The following CNTN3 variants were observed in gnomAD, a reference collection of about 807,000 sequenced individuals.
CNTN3 encodes contactin 3, also known as contactin-3.
CNTN3 carries 60 observed loss-of-function variants against 119.1 expected under a neutral mutation model. The observed-to-expected ratio is 0.50, with a 90% CI of 0.41 to 0.62. CNTN3 has a LOEUF of 0.62. Ranked by LOEUF, CNTN3 falls within the 20% of genes least tolerant of loss-of-function variation. The probability of loss-of-function intolerance (pLI) is 0.00; values close to 1 mark genes in which losing one functional copy is unlikely to be tolerated. For synonymous variants in CNTN3, 450 were observed against 438.7 expected (o/e 1.03, Z -0.32); for missense variants, 1,101 against 1,242.4 (o/e 0.89, Z 1.71).
At chr3:74,423,016 G>A (rs997130607) in intron 5 of CNTN3, among the ~76,000 whole-genome samples, 1 of 152,094 alleles carries the variant, frequency 6.6e-6, no homozygotes, top group South Asian at 2.1e-4. Flanking sequence ...TTAGCATTAA[G>A]GATCACAGAA....
chr3:74,408,861 G>C (rs2106866028), intron 5 of CNTN3, among the ~76,000 whole-genome samples: 1 of 152,192 alleles, frequency 6.6e-6, no homozygotes, highest in South Asian at 2.1e-4. Context: ...AGAGCAACTG[G>C]AGGTTGTTTC....
intron 1 of CNTN3, among the ~76,000 whole-genome samples, chr3:74,593,051 G>T (rs1303553408): frequency 6.6e-6 from 1 of 151,840 alleles, no homozygotes; most frequent in Non-Finnish European, 1.5e-5. Context: ...ATATATTATG[G>T]GATGCTGAGT....
intron 5 of CNTN3, among the ~76,000 whole-genome samples, chr3:74,374,393 T>C (rs368740777): frequency 1.5e-4 from 23 of 152,178 alleles, no homozygotes; most frequent in African/African-American, 4.8e-4. Flanking sequence ...GTTTCTGAAA[T>C]TGAGTAACAG....
At chr3:74,360,192 C>T (rs1704046484) in intron 11 of CNTN3, among the ~76,000 whole-genome samples, 1 of 152,214 alleles carries the variant, frequency 6.6e-6, no homozygotes, top group East Asian at 1.9e-4. Context: ...TCAACCTGGT[C>T]ATGTGCAATC....
chr3:74,391,894 G>C (rs1704919471), intron 5 of CNTN3, among the ~76,000 whole-genome samples: 1 of 152,190 alleles, frequency 6.6e-6, no homozygotes, highest in Non-Finnish European at 1.5e-5. Flanking sequence ...CTAACCTCAA[G>C]TGATCAGCCC....
intron 19 of CNTN3, among the ~76,000 whole-genome samples, chr3:74,290,029 T>C (rs192500576): frequency 1.3e-4 from 20 of 152,346 alleles, no homozygotes; most frequent in East Asian, 5.8e-4. Flanking sequence ...TGACCAATAA[T>C]GGTGTAATTC....
intron 1 of CNTN3, among the ~76,000 whole-genome samples, chr3:74,597,968 T>C (rs1397446993): frequency 1.3e-5 from 2 of 152,076 alleles, no homozygotes; most frequent in African/African-American, 4.8e-5. Context: ...TGCAAGCTTC[T>C]AGAATAAAAC....
At chr3:74,353,951 C>T (rs1306781705) in intron 11 of CNTN3, among the ~76,000 whole-genome samples, 4 of 152,148 alleles carry the variant, frequency 2.6e-5, no homozygotes, top group East Asian at 3.9e-4. Flanking sequence ...TCAACCTCTA[C>T]ACCCACTCCC....
intron 5 of CNTN3, among the ~76,000 whole-genome samples, chr3:74,386,703 T>C (rs1264814905): frequency 6.6e-6 from 1 of 152,196 alleles, no homozygotes; most frequent in Non-Finnish European, 1.5e-5. Flanking sequence ...GTTTCCTTGT[T>C]TGTAAAATTA....
At chr3:74,561,115 T>C (rs566704046) in intron 1 of CNTN3, among the ~76,000 whole-genome samples, 1 of 151,576 alleles carries the variant, frequency 6.6e-6, no homozygotes, top group African/African-American at 2.4e-5. Context: ...ACATGGCACA[T>C]GTATACATAT....
intron 11 of CNTN3, among the ~76,000 whole-genome samples, chr3:74,353,585 T>C (rs937591675): frequency 2.0e-5 from 3 of 151,946 alleles, no homozygotes; most frequent in African/African-American, 7.3e-5. Flanking sequence ...TGAAACCCCG[T>C]CTCTACTAAA....
chr3:74,285,562 T>A, intron 19 of CNTN3, 71 bp from the exon 20 acceptor site: 1 of 1,420,512 alleles, frequency 7.0e-7, no homozygotes, highest in Non-Finnish European at 9.6e-7. Context: ...TGATTTTCAT[T>A]AAAATGGGCA....
At chr3:74,585,526 C>T (rs1010473788) in intron 1 of CNTN3, among the ~76,000 whole-genome samples, 1 of 151,986 alleles carries the variant, frequency 6.6e-6, no homozygotes, top group Non-Finnish European at 1.5e-5. Flanking sequence ...AGTGACCATC[C>T]TATATAGTAT....
Position 74,614,310 on chromosome 3 carries a change from G to A in CNTN3, c.-81+81C>T, listed in dbSNP as rs555689327. On this transcript the variant is annotated intron_variant, in intron 1 of 22. Coordinates refer to ENST00000263665, the MANE Select transcript of CNTN3 (RefSeq NM_020872.3). ...AACTTCGGGGCTGAGGAGCCATGAA[G>A]CCAGGGCGTAAAGTTTGCCCTGGCA... Among the ~76,000 whole-genome samples, 3 of 152,206 alleles carry A rather than the reference G, an allele frequency of 2.0e-5. No homozygotes were observed. The East Asian group carries it at 5.8e-4, about 30-fold the overall frequency.
intron 11 of CNTN3, among the ~76,000 whole-genome samples, chr3:74,359,401 G>A (rs1439807681): frequency 1.3e-5 from 2 of 152,100 alleles, no homozygotes; most frequent in African/African-American, 2.4e-5. Context: ...AAGAGGAAAC[G>A]GAGGTTCAGA....
intron 1 of CNTN3, among the ~76,000 whole-genome samples, chr3:74,583,021 C>G (rs182369942): frequency 6.6e-6 from 1 of 152,174 alleles, no homozygotes; most frequent in East Asian, 1.9e-4. Flanking sequence ...GGAGACACAC[C>G]AGAGTTGGTC....
chr3:74,289,694 C>A (rs1218498804), intron 19 of CNTN3, among the ~76,000 whole-genome samples: 3 of 152,200 alleles, frequency 2.0e-5, no homozygotes, highest in Non-Finnish European at 4.4e-5. Context: ...TTATTATTAT[C>A]TCTATTTTAA....
chr3:74,267,318 T>C lies in CNTN3; in HGVS notation c.2765A>G (p.Asn922Ser). ...WNATDTKVLLNWEQVKAMENE... is the reference protein window; with the variant it reads ...WNATDTKVLLSWEQVKAMENE... ...CTCCATGGCTTTAACTTGCTCCCAA[T>C]TAAGTAACACTTTAGTGTCTGTGGC... Residue 922 changes from asparagine (N) to serine (S), a missense_variant, in exon 21 of 23, where the codon AAT (asparagine) becomes AGT (serine). Coordinates refer to ENST00000263665, the MANE Select transcript of CNTN3 (RefSeq NM_020872.3). 1 of 1,613,488 alleles carries C rather than the reference T, an allele frequency of 6.2e-7. No individual in the cohort carries two copies. The highest frequency in any genetic ancestry group is 8.5e-7 in the Non-Finnish European group (1 of 1,179,516).
At chr3:74,293,412 T>C (rs927395728) in intron 19 of CNTN3, among the ~76,000 whole-genome samples, 1 of 152,184 alleles carries the variant, frequency 6.6e-6, no homozygotes, top group Non-Finnish European at 1.5e-5. Flanking sequence ...GGTTACATTA[T>C]GAAAAAGAAT....
Sources: allele counts gnomAD v4.1 joint callset (sites outside exome capture counted in the v4.1 genomes callset), GRCh38; gene constraint gnomAD v4.1.1; transcripts MANE v1.5; gene names NCBI Gene and HGNC (gene_info 2026-07-23, HGNC 2026-07-21).